Variants in ZNF385D observed in about 807,000 individuals in gnomAD.
ZNF385D encodes the protein zinc finger protein 385D, also known as zinc finger protein 659.
A neutral mutation model predicts 35.8 loss-of-function variants in ZNF385D; 15 were observed. The observed-to-expected ratio is 0.42, with a 90% confidence interval of 0.28 to 0.64. ZNF385D has a LOEUF of 0.64. Ranked by LOEUF, ZNF385D falls within the 30% of genes least tolerant of loss-of-function variation. The pLI is 0.23. For missense variants in ZNF385D, 474 were observed against 494.6 expected, an observed-to-expected ratio of 0.96 and a Z score of 0.39; for synonymous variants, 212 against 186.8, an observed-to-expected ratio of 1.13 and a Z score of -1.10.
intron 3 of ZNF385D, among the ~76,000 whole-genome samples, chr3:21,555,573 A>G (rs2062706002): frequency 6.6e-6 from 1 of 152,164 alleles, no homozygotes; most frequent in Admixed American, 6.5e-5. Flanking sequence ...ATAGTGTTCC[A>G]TGGTGTATAC....
At chr3:21,657,763 C>T (rs2066116404) in intron 2 of ZNF385D, among the ~76,000 whole-genome samples, 1 of 151,882 alleles carries the variant, frequency 6.6e-6, no homozygotes, top group Admixed American at 6.6e-5. Context: ...GTTGTATAAA[C>T]TTAGTAAGAA....
intron 3 of ZNF385D, chr3:21,942,444 T>A (rs1418827187): frequency 6.6e-6 from 1 of 152,206 alleles, no homozygotes; most frequent in Non-Finnish European, 1.5e-5. Context: ...AATGCATTGT[T>A]TAGAAACTTA....
intron 3 of ZNF385D, among the ~76,000 whole-genome samples, chr3:21,895,200 G>A (rs2125888144): frequency 6.6e-6 from 1 of 151,936 alleles, no homozygotes; most frequent in East Asian, 1.9e-4. Context: ...GTTCACCAGG[G>A]TAACTGGTAA....
intron 3 of ZNF385D, among the ~76,000 whole-genome samples, chr3:21,859,783 A>G (rs1275565607): frequency 2.6e-5 from 4 of 152,054 alleles, no homozygotes; most frequent in Non-Finnish European, 4.4e-5. Flanking sequence ...ACTGCAAACA[A>G]ATATTTTGGG....
chr3:21,536,402 C>T (rs2062036435), intron 3 of ZNF385D, among the ~76,000 whole-genome samples: 1 of 152,048 alleles, frequency 6.6e-6, no homozygotes, highest in South Asian at 2.1e-4. Context: ...CCCATTTCTC[C>T]TAATGTTGTC....
At chr3:21,563,571 G>T (rs1258573077) in intron 3 of ZNF385D, among the ~76,000 whole-genome samples, 2 of 152,108 alleles carry the variant, frequency 1.3e-5, no homozygotes, top group Non-Finnish European at 2.9e-5. Context: ...CAATTATCTT[G>T]CATCCTATCT....
intron 3 of ZNF385D, among the ~76,000 whole-genome samples, chr3:22,129,917 C>T (rs1347999298): frequency 6.6e-6 from 1 of 152,106 alleles, no homozygotes; most frequent in Non-Finnish European, 1.5e-5. Context: ...CTGGGAGTGT[C>T]CTGGGTCACA....
chr3:22,337,151 G>A (rs1486475376), intron 2 of ZNF385D, among the ~76,000 whole-genome samples: 1 of 151,854 alleles, frequency 6.6e-6, no homozygotes, highest in Non-Finnish European at 1.5e-5. Flanking sequence ...TAGAAGTAAA[G>A]CTTAACTTTT....
At chr3:21,961,942 G>A (rs763006281) in intron 3 of ZNF385D, among the ~76,000 whole-genome samples, 2 of 152,084 alleles carry the variant, frequency 1.3e-5, no homozygotes, top group Non-Finnish European at 2.9e-5. Flanking sequence ...AAAAGTCACC[G>A]CAAAAAGAAG....
intron 2 of ZNF385D, among the ~76,000 whole-genome samples, chr3:22,243,705 G>A (rs1197511153): frequency 6.6e-6 from 1 of 150,952 alleles, no homozygotes; most frequent in Non-Finnish European, 1.5e-5. Context: ...TGTATTGTTT[G>A]AAAGAAAGGA....
chr3:21,932,457 A>G (rs983328993), intron 3 of ZNF385D, among the ~76,000 whole-genome samples: 1 of 151,950 alleles, frequency 6.6e-6, no homozygotes, highest in Middle Eastern at 3.2e-3. Context: ...CCTTCAGGCT[A>G]TCTACCATAG....
rs763951000 is a variant in ZNF385D, at chr3:21,520,082, T to C, written c.277-9059A>G. ...GTAGTGTAGATAAATGAGCAATAGC[T>C]CTCCTCACTTTGTTTTCCTAAGGAA... On this transcript the variant is annotated intron_variant, in intron 3 of 7. Transcript: ENST00000281523. Among the ~76,000 whole-genome samples, 4 of 152,186 alleles carry C rather than the reference T, an allele frequency of 2.6e-5. 1 individual carries two copies. The highest frequency in any genetic ancestry group is 1.3e-4 in the Admixed American group (2 of 15,270).
intron 3 of ZNF385D, among the ~76,000 whole-genome samples, chr3:21,767,204 G>A (rs1024785689): frequency 6.6e-6 from 1 of 152,016 alleles, no homozygotes; most frequent in Non-Finnish European, 1.5e-5. Context: ...AGGACAGTGT[G>A]AGATAGCCAC....
chr3:21,742,924 G>C (rs763262193), intron 1 of ZNF385D, among the ~76,000 whole-genome samples: 1 of 152,192 alleles, frequency 6.6e-6, no homozygotes, highest in Non-Finnish European at 1.5e-5. Flanking sequence ...TTGTATATGA[G>C]TTGGAGAAAA....
chr3:22,199,948 C>T (rs1165952912), intron 2 of ZNF385D, among the ~76,000 whole-genome samples: 2 of 151,926 alleles, frequency 1.3e-5, no homozygotes, highest in African/African-American at 4.8e-5. Flanking sequence ...TCTAGAAACT[C>T]TTAAAAACTT....
intron 3 of ZNF385D, among the ~76,000 whole-genome samples, chr3:21,830,782 T>C (rs907319499): frequency 2.0e-5 from 3 of 152,180 alleles, no homozygotes; most frequent in African/African-American, 4.8e-5. Flanking sequence ...AACCTTGTAG[T>C]CTTGAGAAAA....
At chr3:22,347,152 T>C (rs1366357880) in intron 2 of ZNF385D, among the ~76,000 whole-genome samples, 2 of 152,182 alleles carry the variant, frequency 1.3e-5, no homozygotes, top group Admixed American at 1.3e-4. Flanking sequence ...TACAAAAAAA[T>C]GTGTTTCATT....
chr3:22,158,151 G>A (rs539862967), intron 3 of ZNF385D, among the ~76,000 whole-genome samples: 17 of 151,926 alleles, frequency 1.1e-4, no homozygotes, highest in Non-Finnish European at 2.4e-4. Context: ...TGACATCTCC[G>A]GTTTATAACC....
Position 22,061,530 on chromosome 3 carries a change from G to T in ZNF385D, c.325+107287C>A, listed in dbSNP as rs371297412. Among the ~76,000 whole-genome samples, 35 of 152,138 alleles carry T rather than the reference G, an allele frequency of 2.3e-4. No individual in the cohort carries two copies. The East Asian group carries it at 2.7e-3, about 12-fold the overall frequency. On this transcript the variant is annotated intron_variant, in intron 3 of 5. Transcript: ENST00000494108. ...GATTATGTCACTCTTTTCTTCTCAAGCCTCCCACAATAACTCCAAAGTCTT... is the reference window on the plus strand; with the variant it reads ...GATTATGTCACTCTTTTCTTCTCAATCCTCCCACAATAACTCCAAAGTCTT...
Sources: gnomAD v4.1 joint callset for allele counts (sites outside exome capture counted in the v4.1 genomes callset) on GRCh38, gnomAD v4.1.1 for gene constraint, MANE v1.5 for transcripts, NCBI Gene and HGNC (gene_info 2026-07-23, HGNC 2026-07-21) for gene names.